Variants in CDH11 observed in about 807,000 individuals in gnomAD.
The protein encoded by CDH11 is cadherin-11.
Under a neutral mutation model 67.8 loss-of-function variants are expected in CDH11, and 11 were observed. The observed-to-expected ratio is 0.16, with a 90% CI of 0.10 to 0.27. CDH11 has a LOEUF of 0.27. Ranked by LOEUF, CDH11 falls within the 10% of genes least tolerant of loss-of-function variation. CDH11 has a pLI of 1.00. For missense variants in CDH11, 847 were observed against 1,031.2 expected (o/e 0.82, Z 2.45); for synonymous variants, 419 against 400.0 (o/e 1.05, Z -0.57).
intron 2 of CDH11, among the ~76,000 whole-genome samples, chr16:65,027,717 G>C (rs2073562224): frequency 6.6e-6 from 1 of 152,170 alleles, no homozygotes; most frequent in African/African-American, 2.4e-5. Flanking sequence ...AGTTTGATCT[G>C]GTTCAGAGGC....
At chr16:65,003,915 T>C (rs892222249) in intron 3 of CDH11, among the ~76,000 whole-genome samples, 6 of 152,262 alleles carry the variant, frequency 3.9e-5, no homozygotes, top group African/African-American at 1.4e-4. Context: ...GATTAATAAG[T>C]AGATACACTG....
At chr16:65,084,627 G>A (rs1308270982) in intron 1 of CDH11, among the ~76,000 whole-genome samples, 6 of 152,258 alleles carry the variant, frequency 3.9e-5, no homozygotes, top group Non-Finnish European at 8.8e-5. Context: ...CTTTGGGGAA[G>A]CATCCTGAGT....
upstream of CDH11, among the ~76,000 whole-genome samples, chr16:65,122,765 C>G (rs2075356447): frequency 6.6e-6 from 1 of 152,130 alleles, no homozygotes; most frequent in African/African-American, 2.4e-5. Flanking sequence ...CAGCTCTCCT[C>G]TCGTCTAGTG....
At chr16:64,990,977 T>C (rs2072615424) in intron 6 of CDH11, among the ~76,000 whole-genome samples, 1 of 152,186 alleles carries the variant, frequency 6.6e-6, no homozygotes. Flanking sequence ...TCCTTCAACA[T>C]GACTTTGACA....
intron 1 of CDH11, among the ~76,000 whole-genome samples, chr16:65,097,530 T>A (rs993824877): frequency 6.6e-6 from 1 of 152,212 alleles, no homozygotes; most frequent in Non-Finnish European, 1.5e-5. Context: ...CTGGCCCCTA[T>A]CCACTTGATG....
intron 1 of CDH11, among the ~76,000 whole-genome samples, chr16:65,108,109 A>C (rs2075096032): frequency 6.6e-6 from 1 of 152,062 alleles, no homozygotes; most frequent in South Asian, 2.1e-4. Flanking sequence ...TGTAAGTGAA[A>C]ACTGTTGCTT....
At chr16:64,969,754 G>T (rs2071949635) in intron 11 of CDH11, among the ~76,000 whole-genome samples, 1 of 150,866 alleles carries the variant, frequency 6.6e-6, no homozygotes, top group Non-Finnish European at 1.5e-5. Flanking sequence ...AACACTATTT[G>T]TGCCACCCTG....
intron 1 of CDH11, among the ~76,000 whole-genome samples, chr16:65,095,793 G>A (rs1235203372): frequency 6.6e-6 from 1 of 152,112 alleles, no homozygotes; most frequent in Non-Finnish European, 1.5e-5. Flanking sequence ...AAGTTCATAT[G>A]TTGAAACATA....
At chr16:64,976,453 A>G (rs2072169153) in intron 8 of CDH11, among the ~76,000 whole-genome samples, 1 of 152,222 alleles carries the variant, frequency 6.6e-6, no homozygotes, top group Non-Finnish European at 1.5e-5. Flanking sequence ...GTTAAGAGTT[A>G]TGGTGATATT....
In CDH11 at chr16:64,946,538, T is replaced by A; in HGVS notation, c.*1065A>T. On this transcript the variant is annotated 3_prime_UTR_variant, in exon 13 of 13. Coordinates refer to ENST00000268603, the MANE Select transcript of CDH11 (RefSeq NM_001797.4). ...ACATCCTTCTTTTTTAGAAGATGTG[T>A]GTGAAGAGAAGCCAGGAGGTTAACA... 4 of 1,031,944 alleles carry A rather than the reference T, an allele frequency of 3.9e-6. No individual in the cohort carries two copies. The highest frequency in any genetic ancestry group is 4.7e-6 in the Non-Finnish European group (4 of 857,964). The allele number at this position is 1,031,944 out of a possible 1,614,324, so 63.9% of individuals were successfully genotyped here.
chr16:65,032,112 A>G (rs2073654948), intron 2 of CDH11, among the ~76,000 whole-genome samples: 2 of 152,164 alleles, frequency 1.3e-5, no homozygotes, highest in South Asian at 4.1e-4. Context: ...GCAAACCTGT[A>G]ATGCTAGACC....
chr16:65,086,644 C>A (rs180861093), intron 1 of CDH11, among the ~76,000 whole-genome samples: 7 of 152,288 alleles, frequency 4.6e-5, no homozygotes, highest in African/African-American at 1.7e-4. Flanking sequence ...TTCACAGTCA[C>A]CTGGAAGCTG....
chr16:65,056,413 TA>T (rs1360326052), intron 1 of CDH11, among the ~76,000 whole-genome samples: 14 of 152,180 alleles, frequency 9.2e-5, no homozygotes, highest in Middle Eastern at 3.4e-3. Flanking sequence ...AAAGAACAAG[TA>T]AAAATACCTA....
intron 12 of CDH11, among the ~76,000 whole-genome samples, chr16:64,949,422 TTTC>T (rs975336344): frequency 3.4e-5 from 4 of 118,292 alleles, no homozygotes; most frequent in South Asian, 6.5e-4. Flanking sequence ...GCCTTTTTTT[TTTC>T]TTTTTTTTTT....
chr16:65,008,026 C>G (rs1484633186), intron 2 of CDH11, among the ~76,000 whole-genome samples: 1 of 152,204 alleles, frequency 6.6e-6, no homozygotes, highest in African/African-American at 2.4e-5. Context: ...ATTAAATGCT[C>G]ATTCACAGAG....
At chr16:65,063,516 T>C (rs1757700139) in intron 1 of CDH11, among the ~76,000 whole-genome samples, 2 of 152,194 alleles carry the variant, frequency 1.3e-5, no homozygotes, top group African/African-American at 4.8e-5. Flanking sequence ...ATATTCTCTA[T>C]CATATGGCTT....
At chr16:64,957,271 A>G (rs1156305857) in intron 11 of CDH11, among the ~76,000 whole-genome samples, 4 of 152,166 alleles carry the variant, frequency 2.6e-5, no homozygotes, top group Non-Finnish European at 5.9e-5. Context: ...CTATCTTATG[A>G]AAAAGGCCAC....
chr16:64,999,840 TTTTG>T (rs2072874567), intron 3 of CDH11, among the ~76,000 whole-genome samples: 1 of 152,138 alleles, frequency 6.6e-6, no homozygotes, highest in Admixed American at 6.5e-5. Context: ...TGGCCAATGT[TTTTG>T]TTTGTTTGTT....
At chr16:65,048,092 C>A (rs985267723) in intron 2 of CDH11, among the ~76,000 whole-genome samples, 2 of 152,178 alleles carry the variant, frequency 1.3e-5, no homozygotes, top group Admixed American at 6.5e-5. Flanking sequence ...AGCACCTAGT[C>A]CAAAGCCTAA....
Sources: gnomAD v4.1 joint callset for allele counts (sites outside exome capture counted in the v4.1 genomes callset) on GRCh38, gnomAD v4.1.1 for gene constraint, MANE v1.5 for transcripts, NCBI Gene and HGNC (gene_info 2026-07-23, HGNC 2026-07-21) for gene names.